The following UGGT1 variants were observed in gnomAD, a reference collection of about 807,000 sequenced individuals.
UGGT1 encodes the protein UDP-glucose:glycoprotein glucosyltransferase 1.
A neutral mutation model predicts 203.9 loss-of-function variants in UGGT1; 107 were observed. The observed-to-expected ratio is 0.52, with a 90% CI of 0.45 to 0.62. The LOEUF (loss-of-function observed/expected upper bound fraction) is 0.62, where lower values mean the gene tolerates loss of function less well. UGGT1 is among the 20% of genes least tolerant of loss of function. The pLI is 0.00. For synonymous variants in UGGT1, 628 were observed against 653.5 expected, an observed-to-expected ratio of 0.96 and a Z score of 0.59; for missense variants, 1,673 against 1,867.2, an observed-to-expected ratio of 0.90 and a Z score of 1.92.
intron 15 of UGGT1, among the ~76,000 whole-genome samples, chr2:128,137,339 G>A (rs1289733184): frequency 6.6e-6 from 1 of 152,156 alleles, no homozygotes. Flanking sequence ...GATTGTTTGA[G>A]CCCAGAGGTT....
intron 9 of UGGT1, 109 bp downstream of exon 9, chr2:128,120,565 C>A: frequency 2.5e-6 from 2 of 810,130 alleles, no homozygotes; most frequent in South Asian, 3.4e-5. Flanking sequence ...TCTGAAGGTG[C>A]CTCAGATTTT....
intron 8 of UGGT1, among the ~76,000 whole-genome samples, chr2:128,118,959 C>T (rs573131976): frequency 5.2e-4 from 79 of 152,056 alleles, no homozygotes; most frequent in Non-Finnish European, 9.1e-4. Flanking sequence ...TGTGAGCCAC[C>T]GCGCCTGGCC....
intron 7 of UGGT1, 75 bp downstream of exon 7, chr2:128,115,295 A>G (rs900307375): frequency 5.2e-6 from 7 of 1,351,468 alleles, no homozygotes; most frequent in Admixed American, 3.8e-5. Flanking sequence ...CATATGAAAA[A>G]TAATAGATTT....
At position 128,116,358 on chromosome 2, in the gene UGGT1, T is replaced by C. The variant is rs995202356; in HGVS notation, c.872+15T>C. On this transcript the variant is annotated intron_variant, in intron 8 of 40. Transcript: ENST00000259253. ...GGAAAATTAAGGTATGTATGTTCTG[T>C]GTATTTTGGGAAACGCCCTCATTTT... 2 of 1,561,404 alleles carry C rather than the reference T, an allele frequency of 1.3e-6. No individual in the cohort carries two copies. Among genetic ancestry groups the C allele is most frequent in the Non-Finnish European group, 1.8e-6 (2 of 1,134,382 alleles).
chr2:128,155,641 G>A lies in UGGT1; in HGVS notation c.2236+54G>A, dbSNP rs931639247. The A allele has an allele frequency of 1.4e-5, 20 of 1,392,610 alleles. No homozygotes were observed. The Admixed American group carries it at 2.5e-4, about 18-fold the overall frequency. The allele number at this position is 1,392,610 out of a possible 1,614,324, so 86.3% of individuals were successfully genotyped here. A position where few individuals can be genotyped will look rare whatever the true frequency, so the allele number is the denominator to read the frequency against. On this transcript the variant is annotated intron_variant, in intron 20 of 40. Transcript: ENST00000259253. ...ATTCAACATTTTTTTGAAAGTATTT[G>A]CATATTCATCTTAATGTGCAAATTA...
chr2:128,180,747 T>C, intron 35 of UGGT1, 143 bp from the exon 36 acceptor site: 1 of 736,730 alleles, frequency 1.4e-6, no homozygotes, highest in Non-Finnish European at 2.2e-6. Context: ...TAGTCATGAG[T>C]GGGTCACGGC....
At chr2:128,182,571 C>A (rs997251027) in intron 37 of UGGT1, among the ~76,000 whole-genome samples, 4 of 151,874 alleles carry the variant, frequency 2.6e-5, no homozygotes, top group African/African-American at 9.7e-5. Flanking sequence ...TGGTGGTGGG[C>A]GCCTGTAATC....
intron 16 of UGGT1, among the ~76,000 whole-genome samples, chr2:128,139,362 C>G (rs1050327206): frequency 8.5e-5 from 13 of 152,144 alleles, no homozygotes; most frequent in Non-Finnish European, 4.4e-5. Context: ...GGGATTACGG[C>G]CGTGCACCAC....
intron 31 of UGGT1, among the ~76,000 whole-genome samples, chr2:128,175,322 A>G (rs1691319026): frequency 6.6e-6 from 1 of 152,262 alleles, no homozygotes; most frequent in Non-Finnish European, 1.5e-5. Context: ...GTGGTGGCAT[A>G]GTAAGAACAT....
chr2:128,105,977 G>A (rs1054075353), intron 3 of UGGT1, among the ~76,000 whole-genome samples: 1 of 152,008 alleles, frequency 6.6e-6, no homozygotes, highest in Non-Finnish European at 1.5e-5. Context: ...TTTAAATTTT[G>A]TAAAGATGGG....
chr2:128,151,242 T>A, intron 18 of UGGT1: 1 of 598,424 alleles, frequency 1.7e-6, no homozygotes, highest in South Asian at 1.5e-5. Flanking sequence ...CCTCTTTTTG[T>A]TTCTGCTTGA....
intron 36 of UGGT1, among the ~76,000 whole-genome samples, chr2:128,181,314 GACTT>G (rs1307232898): frequency 6.6e-6 from 1 of 152,054 alleles, no homozygotes. Flanking sequence ...TTTTGTATCT[GACTT>G]AATTCATTTA....
chr2:128,141,408 C>A (rs529842336), intron 16 of UGGT1, among the ~76,000 whole-genome samples: 1 of 152,074 alleles, frequency 6.6e-6, no homozygotes, highest in South Asian at 2.1e-4. Context: ...TCAAGACCAT[C>A]CTGGCTTTAA....
Position 128,091,688 on chromosome 2 carries a change from A to T in UGGT1, c.58+273A>T, listed in dbSNP as rs1274125362. On this transcript the variant is annotated intron_variant, in intron 1 of 40. Coordinates refer to ENST00000259253, the MANE Select transcript of UGGT1 (RefSeq NM_020120.4). ...AGATCCTTGTGCCAAGTGCAGAAGG[A>T]AATGGGGGAGGTATCCTACCATGGA... is the stretch of plus-strand genomic sequence containing the variant. 3 of 992,016 alleles carry T rather than the reference A, an allele frequency of 3.0e-6. No individual in the cohort carries two copies. The Admixed American group carries it at 1.1e-4, about 38-fold the overall frequency. The allele number at this position is 992,016 out of a possible 1,614,324, so 61.5% of individuals were successfully genotyped here. A position where few individuals can be genotyped will look rare whatever the true frequency, so the allele number is the denominator to read the frequency against.
Position 128,187,557 on chromosome 2 carries a change from A to G in UGGT1, c.4585A>G (p.Lys1529Glu), listed in dbSNP as rs200412844. The G allele has an allele frequency of 8.1e-5, 131 of 1,614,158 alleles. No individual in the cohort carries two copies. Among genetic ancestry groups the G allele is most frequent in the Middle Eastern group, 1.6e-4 (1 of 6,062 alleles). Reference protein sequence around the residue: ...EIKQLQIRFQKEKETGALYKE... With the variant: ...EIKQLQIRFQEEKETGALYKE... ...CAAACAGCTACAGATCCGCTTTCAG[A>G]AGGAGAAAGAAACGGGAGCACTGTA... The change falls in exon 40 of 41, where the codon AAG becomes GAG. Residue 1529 changes from lysine to glutamate, a missense_variant. By Grantham distance (56) the Lys-to-Glu change is moderately conservative. Coordinates refer to ENST00000259253, the MANE Select transcript of UGGT1 (RefSeq NM_020120.4).
chr2:128,171,925 A>G (rs1469660327), intron 28 of UGGT1, among the ~76,000 whole-genome samples: 1 of 152,232 alleles, frequency 6.6e-6, no homozygotes, highest in East Asian at 1.9e-4. Context: ...TTATGAAAAA[A>G]GTGATACAGA....
chr2:128,169,246 C>G (rs1408669199), intron 26 of UGGT1, among the ~76,000 whole-genome samples: 1 of 151,856 alleles, frequency 6.6e-6, no homozygotes, highest in African/African-American at 2.4e-5. Flanking sequence ...TGGCATGTGT[C>G]TGTAGTCCTA....
chr2:128,164,002 C>T (rs1690658322), intron 25 of UGGT1, among the ~76,000 whole-genome samples: 1 of 152,016 alleles, frequency 6.6e-6, no homozygotes, highest in Non-Finnish European at 1.5e-5. Context: ...TGTACTAAAA[C>T]CCTGTCTGTA....
Position 128,133,200 on chromosome 2 carries a change from G to C in UGGT1, c.1437G>C (p.Glu479Asp). ...RYNSWPSSLQ[E>D]LLRPTFPGVI... is the part of the protein sequence containing the mutation. ...ATTCGTGGCCTTCTAGTTTACAAGA[G>C]TTGCTTCGACCCACCTTTCCTGGTG... Residue 479 changes from glutamate (E) to aspartate (D), a missense_variant, in exon 14 of 41, where the codon GAG (glutamate) becomes GAC (aspartate). Coordinates refer to ENST00000259253, the MANE Select transcript of UGGT1 (RefSeq NM_020120.4). 1 of 1,614,118 alleles carries C rather than the reference G, an allele frequency of 6.2e-7. No homozygotes were observed. The highest frequency in any genetic ancestry group is 8.5e-7 in the Non-Finnish European group (1 of 1,179,992).
Sources: gnomAD v4.1 joint callset for allele counts (sites outside exome capture counted in the v4.1 genomes callset) on GRCh38, gnomAD v4.1.1 for gene constraint, MANE v1.5 for transcripts, NCBI Gene and HGNC (gene_info 2026-07-23, HGNC 2026-07-21) for gene names.